The following YAP1 variants were observed in gnomAD, a reference collection of about 807,000 sequenced individuals.
YAP1 encodes the protein Yes1 associated transcriptional regulator, also known as transcriptional coactivator YAP1.
YAP1 carries 5 observed loss-of-function variants against 56.9 expected under a neutral mutation model. The ratio of observed to expected loss-of-function variants is 0.09; its 90% CI spans 0.05 to 0.18. The LOEUF is 0.18. YAP1 is among the 10% of genes least tolerant of loss of function. YAP1 has a pLI of 1.00. For synonymous variants in YAP1, 265 were observed against 248.1 expected (o/e 1.07, Z -0.64); for missense variants, 539 against 651.8 (o/e 0.83, Z 1.88).
At position 102,223,507 on chromosome 11, in the gene YAP1, G is replaced by A; in HGVS notation, c.1033-115G>A. ...GATTGGGAAATGTATTAACTTTAAA[G>A]TAGATGTTTTTAATCTATCTGCACG... On this transcript the variant is annotated intron_variant, in intron 6 of 8. Coordinates refer to ENST00000282441, the MANE Select transcript of YAP1 (RefSeq NM_001130145.3). 4 of 1,104,144 alleles carry A rather than the reference G, an allele frequency of 3.6e-6. No individual in the cohort carries two copies. The South Asian group carries it at 5.0e-5, about 14-fold the overall frequency. The allele number at this position is 1,104,144 out of a possible 1,614,324, so 68.4% of individuals were successfully genotyped here. A position where few individuals can be genotyped will look rare whatever the true frequency, so the allele number is the denominator to read the frequency against.
chr11:102,158,464 G>T (rs1020609668), intron 2 of YAP1, among the ~76,000 whole-genome samples: 3 of 152,118 alleles, frequency 2.0e-5, no homozygotes, highest in Admixed American at 6.5e-5. Flanking sequence ...ACATACAGAG[G>T]ATCTCATTAA....
intron 6 of YAP1, among the ~76,000 whole-genome samples, chr11:102,218,101 T>C (rs1210246732): frequency 6.6e-6 from 1 of 152,226 alleles, no homozygotes; most frequent in Admixed American, 6.5e-5. Context: ...ATCCGTTATA[T>C]ATCAAAAAGC....
chr11:102,210,218 G>A (rs1318851352), intron 6 of YAP1, among the ~76,000 whole-genome samples: 3 of 152,126 alleles, frequency 2.0e-5, no homozygotes, highest in Non-Finnish European at 2.9e-5. Context: ...GAAGAATCTC[G>A]TTCTTAAAAC....
intron 4 of YAP1, among the ~76,000 whole-genome samples, chr11:102,187,433 C>A (rs1334031044): frequency 1.3e-5 from 2 of 152,142 alleles, no homozygotes; most frequent in African/African-American, 4.8e-5. Flanking sequence ...TTTGAATTAG[C>A]CCTTGTGATT....
intron 4 of YAP1, among the ~76,000 whole-genome samples, chr11:102,197,335 A>C (rs1033800404): frequency 2.0e-5 from 3 of 152,188 alleles, no homozygotes; most frequent in African/African-American, 7.2e-5. Context: ...ATTATTGTAA[A>C]TGTATACCCA....
At position 102,231,703 on chromosome 11, in the gene YAP1, C is replaced by A. The variant is rs1280514347; in HGVS notation, c.*1763C>A. On this transcript the variant is annotated 3_prime_UTR_variant, in exon 9 of 9. Coordinates refer to ENST00000282441, the MANE Select transcript of YAP1 (RefSeq NM_001130145.3). ...TGTGAATTAAAGTGGCACCAGCTAG[C>A]ACCTCTGTGTTTTAAGGGTCTTTCA... 1.3e-5 allele frequency: 2 copies of A among 152,582 alleles called. No homozygotes were observed. The highest frequency in any genetic ancestry group is 3.8e-4 in the East Asian group (2 of 5,198). The allele number at this position is 152,582 out of a possible 1,614,324, so 9.5% of individuals were successfully genotyped here.
chr11:102,112,608 T>C (rs1943023954), intron 1 of YAP1: 1 of 985,166 alleles, frequency 1.0e-6, no homozygotes, highest in African/African-American at 1.7e-5. Flanking sequence ...AGGCCTGTTG[T>C]ATAGTCTCCT....
At chr11:102,223,854 C>T in intron 7 of YAP1, 102 bp downstream of exon 7, 1 of 1,425,602 alleles carries the variant, frequency 7.0e-7, no homozygotes, top group Non-Finnish European at 9.6e-7. Flanking sequence ...CTGTGTGGGC[C>T]AAAAACCATA....
chr11:102,132,433 G>GA (rs1944418905), intron 2 of YAP1, among the ~76,000 whole-genome samples: 1 of 151,922 alleles, frequency 6.6e-6, no homozygotes, highest in South Asian at 2.1e-4. Flanking sequence ...TTCATTTTTT[G>GA]AAAAACAGTT....
In YAP1 at chr11:102,173,487, T is replaced by C. The variant is rs142485051; in HGVS notation, c.688+10916T>C. ...AGGTATAGTATACATGAATTTTTAATGTTTAATATATCATTGGACCAAAAT... is the reference window on the plus strand; with the variant it reads ...AGGTATAGTATACATGAATTTTTAACGTTTAATATATCATTGGACCAAAAT... On this transcript the variant is annotated intron_variant, in intron 3 of 8. Transcript: ENST00000282441. Among the ~76,000 whole-genome samples, 1,215 of 152,326 alleles carry C rather than the reference T, an allele frequency of 8.0e-3. 18 individuals are homozygous for C. Among genetic ancestry groups the C allele is most frequent in the African/African-American group, 0.028 (1,169 of 41,564 alleles).
At chr11:102,223,164 C>T (rs763641052) in intron 6 of YAP1, among the ~76,000 whole-genome samples, 6 of 150,872 alleles carry the variant, frequency 4.0e-5, no homozygotes, top group Non-Finnish European at 8.8e-5. Flanking sequence ...AGGAGAATCA[C>T]TTGAACCCAG....
chr11:102,197,201 T>G (rs956754791), intron 4 of YAP1, among the ~76,000 whole-genome samples: 3 of 152,366 alleles, frequency 2.0e-5, no homozygotes, highest in East Asian at 3.9e-4. Context: ...CTAAATGTTT[T>G]GAACAAGTTA....
intron 2 of YAP1, among the ~76,000 whole-genome samples, chr11:102,140,421 A>G (rs1359658938): frequency 6.6e-6 from 1 of 152,208 alleles, no homozygotes; most frequent in Non-Finnish European, 1.5e-5. Flanking sequence ...CATTCTATAA[A>G]AGAGAAGTAT....
rs145583513 is a variant in YAP1 at position 102,167,449 on chromosome 11, T to G, written c.688+4878T>G. Among the ~76,000 whole-genome samples, 450 of 152,310 alleles carry G rather than the reference T, an allele frequency of 3.0e-3. 12 individuals are homozygous for G. The East Asian group carries it at 0.061, about 21-fold the overall frequency. ...GTGAATGTCCTTTGAAAGTTAAAAT[T>G]TATAGCTGGGTGCAGTGGCTCATGC... On this transcript the variant is annotated intron_variant, in intron 3 of 8. Transcript: ENST00000282441.
At chr11:102,165,785 G>A (rs1005951347) in intron 3 of YAP1, among the ~76,000 whole-genome samples, 1 of 152,116 alleles carries the variant, frequency 6.6e-6, no homozygotes, top group East Asian at 1.9e-4. Flanking sequence ...TGACAGATAG[G>A]ATAACTGACA....
At chr11:102,204,870 A>G (rs1949043018) in intron 4 of YAP1, among the ~76,000 whole-genome samples, 1 of 152,142 alleles carries the variant, frequency 6.6e-6, no homozygotes, top group East Asian at 1.9e-4. Flanking sequence ...TAAGACTGGT[A>G]TTATTTCTTC....
intron 3 of YAP1, among the ~76,000 whole-genome samples, chr11:102,176,049 TA>T (rs906555473): frequency 3.3e-5 from 5 of 151,520 alleles, no homozygotes; most frequent in Non-Finnish European, 7.4e-5. Flanking sequence ...GACTCCTTTG[TA>T]AAAAAAAACT....
intron 1 of YAP1, 131 bp downstream of exon 1, chr11:102,111,300 C>G (rs537499198): frequency 1.9e-6 from 2 of 1,064,432 alleles, no homozygotes; most frequent in African/African-American, 4.9e-5. Flanking sequence ...GTGGGGGTCC[C>G]GAGGCGAAGT....
chr11:102,110,801 C>A lies in YAP1; in HGVS notation c.-48C>A. 1.5e-6 allele frequency: 2 copies of A among 1,309,284 alleles called. No homozygotes were observed. Among genetic ancestry groups the A allele is most frequent in the Non-Finnish European group, 1.9e-6 (2 of 1,033,812 alleles). 81.1% of individuals were successfully genotyped at this position (1,309,284 alleles called of 1,614,324 possible). A position where few individuals can be genotyped will look rare whatever the true frequency, so the allele number is the denominator to read the frequency against. ...GTGGAGCCGGGGCGTCCGGGCGTAG[C>A]CCTCGCTCGCCTGGGTCAGGGGGTG... On this transcript the variant is annotated 5_prime_UTR_variant, in exon 1 of 9. Transcript: ENST00000282441.
Sources: gnomAD v4.1 joint callset for allele counts (sites outside exome capture counted in the v4.1 genomes callset) on GRCh38, gnomAD v4.1.1 for gene constraint, MANE v1.5 for transcripts, NCBI Gene and HGNC (gene_info 2026-07-23, HGNC 2026-07-21) for gene names.